Variants in FAM193A observed in about 807,000 individuals in gnomAD.
FAM193A encodes the protein protein FAM193A.
Under a neutral mutation model 126.5 loss-of-function variants are expected in FAM193A, and 22 were observed. The observed-to-expected ratio is 0.17, with a 90% CI of 0.12 to 0.25. The LOEUF is 0.25. FAM193A is among the 10% of genes least tolerant of loss of function. The pLI, the probability that FAM193A is intolerant of heterozygous loss-of-function variation, is 1.00. For synonymous variants in FAM193A, 761 were observed against 646.8 expected, an observed-to-expected ratio of 1.18 and a Z score of -2.68; for missense variants, 1,675 against 1,672.8, an observed-to-expected ratio of 1.00 and a Z score of -0.02.
chr4:2,564,670 A>G (rs914856271), intron 1 of FAM193A, among the ~76,000 whole-genome samples: 4 of 152,154 alleles, frequency 2.6e-5, no homozygotes, highest in African/African-American at 9.7e-5. Context: ...CAAAAGAAAT[A>G]TATTATTTTG....
chr4:2,710,319 C>T (rs1363455619), intron 19 of FAM193A, among the ~76,000 whole-genome samples: 4 of 151,040 alleles, frequency 2.6e-5, no homozygotes, highest in South Asian at 2.1e-4. Context: ...AGATTATAGG[C>T]GCGTGTTACT....
intron 14 of FAM193A, among the ~76,000 whole-genome samples, chr4:2,690,394 G>C (rs1236853653): frequency 6.6e-6 from 1 of 152,238 alleles, no homozygotes; most frequent in Non-Finnish European, 1.5e-5. Context: ...TGGGCAAGTT[G>C]CTTGGCCTCT....
intron 12 of FAM193A, among the ~76,000 whole-genome samples, chr4:2,667,052 C>G (rs572207363): frequency 1.3e-5 from 2 of 152,258 alleles, no homozygotes; most frequent in East Asian, 1.9e-4. Context: ...TTAGAGCTTC[C>G]AAATTTATTG....
intron 13 of FAM193A, among the ~76,000 whole-genome samples, chr4:2,685,937 CT>C (rs1471318270): frequency 6.6e-6 from 1 of 152,178 alleles, no homozygotes; most frequent in Non-Finnish European, 1.5e-5. Flanking sequence ...AAATGCAAAA[CT>C]TCTGCTAGTT....
intron 20 of FAM193A, among the ~76,000 whole-genome samples, chr4:2,720,251 T>C (rs1409937728): frequency 3.3e-5 from 5 of 152,174 alleles, no homozygotes; most frequent in African/African-American, 1.2e-4. Context: ...AAAGAGGAAC[T>C]AAAAATCAAT....
chr4:2,647,825 ACT>A (rs1261053527), intron 7 of FAM193A, among the ~76,000 whole-genome samples: 1 of 151,930 alleles, frequency 6.6e-6, no homozygotes, highest in East Asian at 1.9e-4. Flanking sequence ...CACTTCGGAG[ACT>A]CTCTGTAGGA....
intron 19 of FAM193A, among the ~76,000 whole-genome samples, chr4:2,704,271 A>AG (rs1173461842): frequency 1.3e-5 from 2 of 149,764 alleles, no homozygotes; most frequent in East Asian, 4.0e-4. Context: ...CAAAAAAAAA[A>AG]AAAAAAAATT....
In FAM193A at chr4:2,700,366, T is replaced by C; in HGVS notation, c.4194T>C (p.Asn1398=). 4 of 1,613,696 alleles carry C rather than the reference T, an allele frequency of 2.5e-6. No homozygotes were observed. Among genetic ancestry groups the C allele is most frequent in the Admixed American group, 1.7e-5 (1 of 59,956 alleles). The change falls in exon 19 of 21, where the codon AAT becomes AAC. Residue 1398 remains asparagine (N), a synonymous_variant. Transcript: ENST00000637812. ...REERKVNSNN[N]NKKQLNHIKD... is the part of the protein sequence containing the mutation. The stretch of plus-strand genomic sequence containing the variant: ...AGAGAAAAGTCAACAGTAATAACAA[T>C]AACAAAAAGCAGCTGAACCACATCA...
chr4:2,550,493 A>G (rs77023424), intron 1 of FAM193A, among the ~76,000 whole-genome samples: 1 of 151,298 alleles, frequency 6.6e-6, no homozygotes, highest in East Asian at 2.0e-4. Flanking sequence ...CTGCAGTGTA[A>G]TGGCACGATC....
In FAM193A at chr4:2,565,254, C is replaced by CT. The variant is rs71644338; in HGVS notation, c.255+28106dup. ...TGGATATACACAATGATAGAGTAGC[C>CT]TTTTTTTTTTTTTTTTTTTTTTAAA... On this transcript the variant is annotated intron_variant, in intron 1 of 20. Coordinates refer to ENST00000637812, the MANE Select transcript of FAM193A (RefSeq NM_001366318.2). Among the ~76,000 whole-genome samples the CT allele has an allele frequency of 4.7e-4, 24 of 50,700 alleles. 1 individual carries two copies. The highest frequency in any genetic ancestry group is 2.0e-3 in the African/African-American group (24 of 11,864). The allele number at this position is 50,700 out of a possible 152,430, so 33.3% of individuals were successfully genotyped here.
chr4:2,630,276 A>G (rs562024153), intron 4 of FAM193A, among the ~76,000 whole-genome samples: 1 of 150,998 alleles, frequency 6.6e-6, no homozygotes, highest in Non-Finnish European at 1.5e-5. Flanking sequence ...CCTACTCTTC[A>G]GCCTACAAAT....
intron 2 of FAM193A, among the ~76,000 whole-genome samples, chr4:2,620,502 G>T (rs1485365846): frequency 6.6e-6 from 1 of 152,174 alleles, no homozygotes; most frequent in African/African-American, 2.4e-5. Context: ...CTAGAGCTCA[G>T]GAGATGGGCA....
intron 10 of FAM193A, among the ~76,000 whole-genome samples, chr4:2,662,633 C>T (rs1037317285): frequency 3.9e-5 from 6 of 152,128 alleles, no homozygotes; most frequent in South Asian, 2.1e-4. Context: ...TTTTACTCTT[C>T]CAAATGGCAC....
chr4:2,535,742 A>G (rs1578543076), upstream of FAM193A, among the ~76,000 whole-genome samples: 1 of 152,324 alleles, frequency 6.6e-6, no homozygotes, highest in African/African-American at 2.4e-5. Context: ...GGTGTGGGAC[A>G]CGGCCGGATC....
intron 18 of FAM193A, 43 bp from the exon 19 acceptor site, chr4:2,699,637 G>A (rs771757085): frequency 1.9e-6 from 3 of 1,539,784 alleles, no homozygotes; most frequent in South Asian, 2.5e-5. Flanking sequence ...TTAATTTTTA[G>A]CACTCACTGT....
chr4:2,693,530 A>G, intron 15 of FAM193A, 56 bp from the exon 16 acceptor site: 2 of 1,525,930 alleles, frequency 1.3e-6, no homozygotes, highest in Non-Finnish European at 1.8e-6. Flanking sequence ...GATTTTCTAC[A>G]GGTTTGAACA....
chr4:2,716,265 C>T (rs1719520210), intron 20 of FAM193A, among the ~76,000 whole-genome samples, 161 bp downstream of exon 20: 1 of 152,208 alleles, frequency 6.6e-6, no homozygotes, highest in East Asian at 1.9e-4. Context: ...GACAGGCCAG[C>T]CACACACACC....
chr4:2,646,036 C>T (rs1745104276), intron 6 of FAM193A, among the ~76,000 whole-genome samples: 1 of 150,528 alleles, frequency 6.6e-6, no homozygotes, highest in Non-Finnish European at 1.5e-5. Flanking sequence ...TTATTTTTAT[C>T]TATTTTAATT....
chr4:2,700,471 A>G lies in FAM193A; in HGVS notation c.4299A>G (p.Ala1433=). ...AGCAGAACAGCAAGCTGGTGCTGGC[A>G]GAGTCCCCTCAGCCAAAGGGCAAGA... ...EHQQNSKLVL[A]ESPQPKGKNK... is the part of the protein sequence containing the mutation. Residue 1433 remains alanine (A), a synonymous_variant, in exon 19 of 21, where the codon GCA becomes GCG. Coordinates refer to ENST00000637812, the MANE Select transcript of FAM193A (RefSeq NM_001366318.2). 1 of 1,614,036 alleles carries G rather than the reference A, an allele frequency of 6.2e-7. No individual in the cohort carries two copies. The highest frequency in any genetic ancestry group is 2.2e-5 in the East Asian group (1 of 44,886).
Sources: gnomAD v4.1 joint callset for allele counts (sites outside exome capture counted in the v4.1 genomes callset) on GRCh38, gnomAD v4.1.1 for gene constraint, MANE v1.5 for transcripts, NCBI Gene and HGNC (gene_info 2026-07-23, HGNC 2026-07-21) for gene names.